ZBTB41: variants seen among roughly 807,000 people sequenced by gnomAD.
ZBTB41 encodes the protein zinc finger and BTB domain containing 41, also known as zinc finger and BTB domain-containing protein 41.
Under a neutral mutation model 87.6 loss-of-function variants are expected in ZBTB41, and 42 were observed. The observed-to-expected ratio is 0.48, with a 90% CI of 0.37 to 0.62. The LOEUF (loss-of-function observed/expected upper bound fraction) is 0.62. ZBTB41 is among the 20% of genes least tolerant of loss of function. The pLI is 0.00. For synonymous variants in ZBTB41, 364 were observed against 364.0 expected (o/e 1.00, Z 0.00); for missense variants, 799 against 1,078.9 (o/e 0.74, Z 3.63).
At position 197,201,263 on chromosome 1, in the gene ZBTB41, C is replaced by T. The variant is rs1652791522; in HGVS notation, c.-158G>A. 6.6e-6 allele frequency among the ~76,000 whole-genome samples: 1 copy of T among 152,208 alleles called. No homozygotes were observed. The highest frequency in any genetic ancestry group is 1.5e-5 in the Non-Finnish European group (1 of 68,046). On this transcript the variant is annotated 5_prime_UTR_variant, in exon 1 of 11. Transcript: ENST00000367405. ...CCCCCGCTGGCTCCCAGCAGCTGAG[C>T]TCCACTCTGGGCGCGCTCGCTCCTG...
intron 10 of ZBTB41, among the ~76,000 whole-genome samples, chr1:197,162,927 T>C (rs1186757848): frequency 6.6e-6 from 1 of 152,126 alleles, no homozygotes; most frequent in East Asian, 1.9e-4. Flanking sequence ...AACAGAGAAA[T>C]GAACAAAAAT....
At position 197,180,954 on chromosome 1, in the gene ZBTB41, T is replaced by C. The variant is rs373716276; in HGVS notation, c.1676+34A>G. On this transcript the variant is annotated intron_variant, in intron 6 of 10. Coordinates refer to ENST00000367405, the MANE Select transcript of ZBTB41 (RefSeq NM_194314.3). ...ATTGATTATTTCTACATAATAGTAC[T>C]AGGATTTTTGTGGGTGTGCAGATAA... 3.5e-4 allele frequency: 557 copies of C among 1,575,076 alleles called. 1 individual carries two copies. The highest frequency in any genetic ancestry group is 4.6e-4 in the Non-Finnish European group (533 of 1,169,456).
intron 5 of ZBTB41, among the ~76,000 whole-genome samples, chr1:197,187,575 T>G (rs1461910892): frequency 6.6e-6 from 1 of 152,254 alleles, no homozygotes; most frequent in Non-Finnish European, 1.5e-5. Flanking sequence ...TGTATTATTT[T>G]TTATTGTTGT....
intron 4 of ZBTB41, among the ~76,000 whole-genome samples, chr1:197,189,340 A>G (rs1659966340): frequency 6.6e-6 from 1 of 152,072 alleles, no homozygotes; most frequent in Non-Finnish European, 1.5e-5. Context: ...GGCCTGGCCA[A>G]CATAGTGAAA....
At chr1:197,182,533 C>T (rs918165422) in intron 5 of ZBTB41, among the ~76,000 whole-genome samples, 2 of 152,040 alleles carry the variant, frequency 1.3e-5, no homozygotes, top group Admixed American at 1.3e-4. Context: ...CACCTGTCTC[C>T]CAAAGTGCTG....
intron 10 of ZBTB41, among the ~76,000 whole-genome samples, chr1:197,171,934 G>A (rs1659489838): frequency 6.6e-6 from 1 of 151,714 alleles, no homozygotes; most frequent in Non-Finnish European, 1.5e-5. Context: ...CTCAAGTTTT[G>A]TAAAATATTT....
At chr1:197,189,287 A>T (rs1384407047) in intron 4 of ZBTB41, among the ~76,000 whole-genome samples, 2 of 152,166 alleles carry the variant, frequency 1.3e-5, no homozygotes, top group Non-Finnish European at 1.5e-5. Context: ...GCACTTTGGG[A>T]GGCCGAGACG....
At chr1:197,167,930 G>A (rs1659389600) in intron 10 of ZBTB41, among the ~76,000 whole-genome samples, 1 of 152,132 alleles carries the variant, frequency 6.6e-6, no homozygotes, top group Admixed American at 6.5e-5. Flanking sequence ...GAAAGACAGA[G>A]AGAGAGAGAG....
rs569142660 is a variant in ZBTB41 at position 197,157,967 on chromosome 1, T to C, written c.*1392A>G. 6.6e-6 allele frequency: 1 copy of C among 152,450 alleles called. No individual in the cohort carries two copies. The highest frequency in any genetic ancestry group is 6.6e-5 in the Admixed American group (1 of 15,240). The allele number at this position is 152,450 out of a possible 1,614,324, so 9.4% of individuals were successfully genotyped here. A position where few individuals can be genotyped will look rare whatever the true frequency, so the allele number is the denominator to read the frequency against. The stretch of plus-strand genomic sequence containing the variant: ...AAACAAAACTGAAATAGAAAACTTT[T>C]AAAACTGCTATTTTCTACTAGTTTA... On this transcript the variant is annotated 3_prime_UTR_variant, in exon 11 of 11. Coordinates refer to ENST00000367405, the MANE Select transcript of ZBTB41 (RefSeq NM_194314.3).
At chr1:197,185,089 C>T (rs1347410280) in intron 5 of ZBTB41, among the ~76,000 whole-genome samples, 2 of 152,192 alleles carry the variant, frequency 1.3e-5, no homozygotes, top group Non-Finnish European at 2.9e-5. Flanking sequence ...GCTGGCATTA[C>T]AGGCGTGAGT....
intron 10 of ZBTB41, among the ~76,000 whole-genome samples, chr1:197,163,736 TAA>T (rs1659252352): frequency 6.6e-6 from 1 of 151,442 alleles, no homozygotes; most frequent in Non-Finnish European, 1.5e-5. Context: ...AGTAGCCAAT[TAA>T]AAAGAGACAT....
At chr1:197,186,644 C>A (rs192508817) in intron 5 of ZBTB41, among the ~76,000 whole-genome samples, 7 of 152,196 alleles carry the variant, frequency 4.6e-5, no homozygotes, top group Admixed American at 4.6e-4. Flanking sequence ...GGTGGGTCAC[C>A]TGAGGTCAGG....
rs1571643180 is a variant in ZBTB41, at chr1:197,159,855, T to C, written c.2234A>G (p.His745Arg). 6.2e-7 allele frequency: 1 copy of C among 1,613,996 alleles called. No homozygotes were observed. Among genetic ancestry groups the C allele is most frequent in the Non-Finnish European group, 8.5e-7 (1 of 1,179,888 alleles). The stretch of plus-strand genomic sequence containing the variant: ...ATCAGGAGATTTTATTTCATGAACA[T>C]GGTCAATGTGGTATTTCAGCTTGTC... ...RKDKLKYHID[H>R]VHEIKSPDDP... Residue 745 changes from histidine (H) to arginine (R), a missense_variant, in exon 11 of 11, where the codon CAT becomes CGT. Physicochemically the swap from His to Arg is conservative, Grantham distance 29. Coordinates refer to ENST00000367405, the MANE Select transcript of ZBTB41 (RefSeq NM_194314.3).
chr1:197,169,062 T>A (rs1181518877), intron 10 of ZBTB41, among the ~76,000 whole-genome samples: 2 of 151,262 alleles, frequency 1.3e-5, no homozygotes, highest in African/African-American at 2.4e-5. Flanking sequence ...CAAATGGATT[T>A]AAAAAAAAAG....
rs985390900 is a variant in ZBTB41, at chr1:197,155,368, A to T, written c.*3991T>A. On this transcript the variant is annotated 3_prime_UTR_variant, in exon 11 of 11. Transcript: ENST00000367405. The stretch of plus-strand genomic sequence containing the variant: ...CACAATCATAACACCCATAACCAAA[A>T]AAAAATAAAAATAAAAATCTATTAA... The T allele has an allele frequency of 6.6e-6, 1 of 152,300 alleles. No individual in the cohort carries two copies. Among genetic ancestry groups the T allele is most frequent in the Non-Finnish European group, 1.5e-5 (1 of 67,838 alleles). 9.4% of individuals were successfully genotyped at this position (152,300 alleles called of 1,614,324 possible).
intron 10 of ZBTB41, among the ~76,000 whole-genome samples, chr1:197,165,704 TA>T (rs1269047321): frequency 2.0e-5 from 3 of 150,978 alleles, no homozygotes; most frequent in African/African-American, 7.3e-5. Flanking sequence ...ATACATACAA[TA>T]AACAATAAGA....
Position 197,164,479 on chromosome 1 carries a change from A to G in ZBTB41, c.2075-4465T>C, listed in dbSNP as rs76326965. 6.4e-3 allele frequency among the ~76,000 whole-genome samples: 977 copies of G among 151,852 alleles called. 27 individuals are homozygous for G. The highest frequency in any genetic ancestry group is 0.058 in the East Asian group (302 of 5,182). On this transcript the variant is annotated intron_variant, in intron 10 of 10. Coordinates refer to ENST00000367405, the MANE Select transcript of ZBTB41 (RefSeq NM_194314.3). ...TAAAGGACAAAGATGATCAAAATAG[A>G]TAATTAAACAATACCAAAAGATGCA...
chr1:197,164,327 T>C (rs1030113246), intron 10 of ZBTB41, among the ~76,000 whole-genome samples: 2 of 151,934 alleles, frequency 1.3e-5, no homozygotes, highest in Non-Finnish European at 2.9e-5. Context: ...CAATCCTTAA[T>C]GATTATAAAC....
Position 197,168,544 on chromosome 1 carries a change from G to A in ZBTB41, c.2074+3616C>T, listed in dbSNP as rs146885375. Among the ~76,000 whole-genome samples the A allele has an allele frequency of 8.8e-3, 1,338 of 152,072 alleles. 16 individuals carry two copies. The highest frequency in any genetic ancestry group is 0.028 in the African/African-American group (1,183 of 41,522). On this transcript the variant is annotated intron_variant, in intron 10 of 10. Transcript: ENST00000367405. The stretch of plus-strand genomic sequence containing the variant: ...AAGGATCATCTTTCCAAAAAATAGC[G>A]CTAAAGCAATTGGATAACCATATGT...
Sources: allele counts gnomAD v4.1 joint callset (sites outside exome capture counted in the v4.1 genomes callset), GRCh38; gene constraint gnomAD v4.1.1; transcripts MANE v1.5; gene names NCBI Gene and HGNC (gene_info 2026-07-23, HGNC 2026-07-21).